The following ADGRL3 variants were observed in gnomAD, a reference collection of about 807,000 sequenced individuals.
The protein encoded by ADGRL3 is calcium-independent alpha-latrotoxin receptor 3.
Under a neutral mutation model 153.5 loss-of-function variants are expected in ADGRL3, and 62 were observed. The observed-to-expected ratio is 0.40, with a 90% CI of 0.33 to 0.50. The LOEUF (loss-of-function observed/expected upper bound fraction) is 0.50. Ranked by LOEUF, ADGRL3 falls within the 20% of genes least tolerant of loss-of-function variation. The probability of loss-of-function intolerance (pLI) is 0.47; values close to 1 mark genes in which losing one functional copy is unlikely to be tolerated. For synonymous variants in ADGRL3, 710 were observed against 672.5 expected (o/e 1.06, Z -0.86); for missense variants, 1,641 against 1,859.4 (o/e 0.88, Z 2.16).
At chr4:61,533,076 G>A (rs574011519) in intron 4 of ADGRL3, among the ~76,000 whole-genome samples, 81 of 152,144 alleles carry the variant, frequency 5.3e-4, no homozygotes, top group Non-Finnish European at 1.0e-3. Flanking sequence ...AAATCTATCT[G>A]CCATAAAACA....
At chr4:61,294,983 G>C (rs531396891) in intron 1 of ADGRL3, among the ~76,000 whole-genome samples, 1 of 151,950 alleles carries the variant, frequency 6.6e-6, no homozygotes, top group Non-Finnish European at 1.5e-5. Context: ...TCAGTTACCT[G>C]AGGTTAGCCA....
At chr4:61,935,062 T>C (rs1251294155) in intron 14 of ADGRL3, 39 bp downstream of exon 14, 1 of 1,569,210 alleles carries the variant, frequency 6.4e-7, no homozygotes, top group Non-Finnish European at 8.8e-7. Context: ...CAGACACTCT[T>C]GTATATCAGA....
chr4:61,668,361 A>G (rs767291440), intron 5 of ADGRL3, among the ~76,000 whole-genome samples: 4 of 152,238 alleles, frequency 2.6e-5, no homozygotes, highest in Non-Finnish European at 5.9e-5. Flanking sequence ...GGTTTTAGCA[A>G]GATTTATTTT....
chr4:61,795,446 T>A (rs1444126062), intron 8 of ADGRL3, among the ~76,000 whole-genome samples: 1 of 152,206 alleles, frequency 6.6e-6, no homozygotes, highest in African/African-American at 2.4e-5. Context: ...ACCTCAAGAA[T>A]GATTAGACAG....
intron 25 of ADGRL3, among the ~76,000 whole-genome samples, chr4:62,065,158 G>A (rs923557126): frequency 1.3e-5 from 2 of 151,808 alleles, no homozygotes; most frequent in African/African-American, 2.4e-5. Flanking sequence ...TTTTTCTCTG[G>A]TCTTTAGAGC....
At chr4:61,712,173 C>A (rs2096006129) in intron 6 of ADGRL3, among the ~76,000 whole-genome samples, 1 of 151,970 alleles carries the variant, frequency 6.6e-6, no homozygotes, top group Admixed American at 6.6e-5. Flanking sequence ...ACGAGAGGAT[C>A]ACTTGAGCCC....
At chr4:61,712,319 G>A (rs2096010227) in intron 6 of ADGRL3, among the ~76,000 whole-genome samples, 1 of 152,040 alleles carries the variant, frequency 6.6e-6, no homozygotes, top group Non-Finnish European at 1.5e-5. Flanking sequence ...CTTAAGCCTG[G>A]AAGGTTGAGG....
intron 8 of ADGRL3, among the ~76,000 whole-genome samples, chr4:61,757,769 T>C (rs1457738388): frequency 6.6e-6 from 1 of 152,194 alleles, no homozygotes; most frequent in Non-Finnish European, 1.5e-5. Flanking sequence ...GTGGTATAAA[T>C]TTCCCTCTAC....
At chr4:61,425,158 C>T (rs188821715) in intron 2 of ADGRL3, among the ~76,000 whole-genome samples, 260 of 152,256 alleles carry the variant, frequency 1.7e-3, no homozygotes, top group African/African-American at 6.1e-3. Flanking sequence ...CCCATGTTGA[C>T]ACCATCCCAT....
chr4:61,377,021 G>T lies in ADGRL3; in HGVS notation c.-239-6103G>T, dbSNP rs1422946754. Among the ~76,000 whole-genome samples, 4 of 152,106 alleles carry T rather than the reference G, an allele frequency of 2.6e-5. No homozygotes were observed. In the South Asian group the frequency reaches 8.3e-4, roughly 31 times the overall value. ...AGTCTCTTCTCTGAGGGCAAGAACT[G>T]TATCTGTATCTGTTTACACTGCCCT... On this transcript the variant is annotated intron_variant, in intron 1 of 26. Coordinates refer to ENST00000683033, the MANE Select transcript of ADGRL3 (RefSeq NM_001387552.1).
intron 1 of ADGRL3, among the ~76,000 whole-genome samples, chr4:61,353,992 G>A (rs1049530666): frequency 6.6e-6 from 1 of 151,892 alleles, no homozygotes; most frequent in African/African-American, 2.4e-5. Flanking sequence ...AGCCAGCAGT[G>A]CTTTGTATTT....
intron 1 of ADGRL3, among the ~76,000 whole-genome samples, chr4:61,371,410 T>C (rs2096526589): frequency 6.6e-6 from 1 of 152,094 alleles, no homozygotes; most frequent in Non-Finnish European, 1.5e-5. Context: ...TCAGGAGCTC[T>C]TTTAGGGCAG....
chr4:61,674,914 C>A (rs2095135127), intron 5 of ADGRL3, among the ~76,000 whole-genome samples: 1 of 151,892 alleles, frequency 6.6e-6, no homozygotes, highest in Non-Finnish European at 1.5e-5. Flanking sequence ...GTGAGGACAG[C>A]CACATTTACC....
intron 1 of ADGRL3, among the ~76,000 whole-genome samples, chr4:61,220,974 T>A (rs1454853742): frequency 6.6e-6 from 1 of 152,164 alleles, no homozygotes; most frequent in African/African-American, 2.4e-5. Flanking sequence ...ACAGACATAG[T>A]CTTTCTTTTT....
chr4:62,009,092 C>A (rs2099172104), intron 21 of ADGRL3, among the ~76,000 whole-genome samples: 1 of 152,096 alleles, frequency 6.6e-6, no homozygotes, highest in Non-Finnish European at 1.5e-5. Context: ...ACTACGAAAT[C>A]ACCTAAGGAC....
In ADGRL3 at chr4:61,912,983, T is replaced by C. The variant is rs1431159986; in HGVS notation, c.2112+226T>C. On this transcript the variant is annotated intron_variant, in intron 13 of 26. Transcript: ENST00000683033. ...AGGAGGTGCAACTTGAGGTGTGAACTTTTTCATCATCACCAAGAGGTGAGT... is the reference window on the plus strand; with the variant it reads ...AGGAGGTGCAACTTGAGGTGTGAACCTTTTCATCATCACCAAGAGGTGAGT... Among the ~76,000 whole-genome samples, 3 of 152,136 alleles carry C rather than the reference T, an allele frequency of 2.0e-5. No homozygotes were observed. The South Asian group carries it at 6.2e-4, about 31-fold the overall frequency.
chr4:62,070,591 G>A lies in ADGRL3; in HGVS notation c.4315G>A (p.Glu1439Lys), dbSNP rs780038482. The A allele has an allele frequency of 4.7e-5, 73 of 1,550,236 alleles. 1 individual carries two copies. Among genetic ancestry groups the A allele is most frequent in the Admixed American group, 4.5e-4 (23 of 50,606 alleles). The change falls in exon 27 of 27, where the codon GAG (glutamate) becomes AAG (lysine). Residue 1439 changes from glutamate to lysine, a missense_variant. By Grantham distance (56) the Glu-to-Lys change is moderately conservative (BLOSUM62 1). This residue lies in a region of ADGRL3 where 517 missense variants were observed against 555.0 expected (regional missense o/e 0.93). Transcript: ENST00000683033. ...SESFFPLLTN[E>K]HTEDLQSPHR... is the part of the protein sequence containing the mutation. ...GAGCTTTTTCCCTTTGCTAACCAAC[G>A]AGCACACAGAAGATCTCCAGTCACC... is the stretch of plus-strand genomic sequence containing the variant.
intron 1 of ADGRL3, among the ~76,000 whole-genome samples, chr4:61,313,047 T>A (rs982901467): frequency 6.6e-6 from 1 of 152,038 alleles, no homozygotes; most frequent in Non-Finnish European, 1.5e-5. Flanking sequence ...GAGATAAAAA[T>A]AAATAAGCTA....
chr4:61,486,637 T>G (rs929038318), intron 2 of ADGRL3, among the ~76,000 whole-genome samples: 3 of 152,222 alleles, frequency 2.0e-5, no homozygotes, highest in African/African-American at 7.2e-5. Flanking sequence ...CTCAGTAATA[T>G]TCAGAATAAT....
Sources: allele counts gnomAD v4.1 joint callset (sites outside exome capture counted in the v4.1 genomes callset), GRCh38; gene constraint gnomAD v4.1.1; regional missense constraint gnomAD v4.1.1; transcripts MANE v1.5; gene names NCBI Gene and HGNC (gene_info 2026-07-23, HGNC 2026-07-21).